Variants in PSD3 observed in about 807,000 individuals in gnomAD.
PSD3 encodes the protein pleckstrin and Sec7 domain containing 3, also known as PH and SEC7 domain-containing protein 3.
Under a neutral mutation model 105.5 loss-of-function variants are expected in PSD3, and 49 were observed. The observed-to-expected ratio is 0.46, with a 90% CI of 0.37 to 0.59. The LOEUF is 0.59. PSD3 is among the 20% of genes least tolerant of loss of function. The pLI, the probability that PSD3 is intolerant of heterozygous loss-of-function variation, is 0.00. For missense variants in PSD3, 1,561 were observed against 1,263.8 expected (o/e 1.24, Z -3.57); for synonymous variants, 557 against 457.8 (o/e 1.22, Z -2.77).
At chr8:18,801,841 A>C (rs1479451084) in intron 6 of PSD3, among the ~76,000 whole-genome samples, 3 of 152,128 alleles carry the variant, frequency 2.0e-5, no homozygotes, top group African/African-American at 4.8e-5. Flanking sequence ...AGAAAAAAAA[A>C]ATGTCCACTT....
intron 1 of PSD3, among the ~76,000 whole-genome samples, chr8:18,966,336 G>A (rs192735514): frequency 9.7e-4 from 147 of 152,172 alleles, no homozygotes; most frequent in African/African-American, 3.0e-3. Context: ...TTGGGAGGCC[G>A]AGGCAGGTGA....
chr8:18,666,893 G>T (rs540910527), intron 9 of PSD3, among the ~76,000 whole-genome samples: 3 of 152,276 alleles, frequency 2.0e-5, no homozygotes, highest in African/African-American at 7.2e-5. Context: ...TCCAGAATTG[G>T]TGGGTTCTTG....
At chr8:18,805,617 T>C (rs187132677) in intron 4 of PSD3, among the ~76,000 whole-genome samples, 104 of 152,358 alleles carry the variant, frequency 6.8e-4, no homozygotes, top group African/African-American at 2.4e-3. Flanking sequence ...TATTAAAATC[T>C]ATCTTATACT....
chr8:18,592,205 T>C (rs559999696), intron 12 of PSD3, among the ~76,000 whole-genome samples: 3 of 151,970 alleles, frequency 2.0e-5, no homozygotes, highest in South Asian at 2.1e-4. Flanking sequence ...GGGAACTAAA[T>C]AGATATTTTC....
chr8:18,715,048 C>A (rs534016497), intron 9 of PSD3, among the ~76,000 whole-genome samples: 2 of 152,302 alleles, frequency 1.3e-5, no homozygotes, highest in East Asian at 3.9e-4. Flanking sequence ...CCAAACACTG[C>A]ATGTTCTCAC....
At chr8:18,666,812 C>T (rs1333279416) in intron 9 of PSD3, among the ~76,000 whole-genome samples, 1 of 151,970 alleles carries the variant, frequency 6.6e-6, no homozygotes, top group Non-Finnish European at 1.5e-5. Flanking sequence ...ATGTAAACTA[C>T]TGTGGGTGAG....
At chr8:18,808,742 A>C (rs918512900) in intron 4 of PSD3, 4 of 1,613,958 alleles carry the variant, frequency 2.5e-6, no homozygotes, top group Non-Finnish European at 3.4e-6. Context: ...ATATGATGGC[A>C]ATATAAACTT....
chr8:18,574,643 C>T (rs1802362129), intron 13 of PSD3, among the ~76,000 whole-genome samples: 1 of 152,122 alleles, frequency 6.6e-6, no homozygotes, highest in Admixed American at 6.6e-5. Context: ...ATTTATTGAA[C>T]AGTTCCTATG....
intron 10 of PSD3, among the ~76,000 whole-genome samples, chr8:18,654,465 C>T (rs1808743326): frequency 1.3e-5 from 2 of 152,096 alleles, no homozygotes; most frequent in Admixed American, 6.5e-5. Flanking sequence ...TTACAAAGAA[C>T]ACATTTTGAC....
intron 14 of PSD3, among the ~76,000 whole-genome samples, chr8:18,571,717 C>T (rs1419503018): frequency 1.3e-5 from 2 of 152,222 alleles, no homozygotes; most frequent in Non-Finnish European, 2.9e-5. Context: ...TGGGACACAT[C>T]TTATGATATC....
At chr8:18,826,470 T>C (rs1372168617) in intron 4 of PSD3, among the ~76,000 whole-genome samples, 2 of 152,228 alleles carry the variant, frequency 1.3e-5, no homozygotes, top group African/African-American at 2.4e-5. Context: ...ATATGGCTCA[T>C]CAAACAGCAC....
At chr8:18,678,727 G>A (rs1009283218) in intron 9 of PSD3, among the ~76,000 whole-genome samples, 14 of 152,140 alleles carry the variant, frequency 9.2e-5, no homozygotes, top group African/African-American at 2.6e-4. Flanking sequence ...CAGGGGAATC[G>A]CTCGAATCTG....
intron 9 of PSD3, among the ~76,000 whole-genome samples, chr8:18,704,776 A>G (rs1008651034): frequency 9.9e-5 from 15 of 152,220 alleles, no homozygotes; most frequent in African/African-American, 3.6e-4. Flanking sequence ...CTTATGATTA[A>G]AAACTGAAAG....
At chr8:18,748,703 G>A (rs932285448) in intron 9 of PSD3, among the ~76,000 whole-genome samples, 7 of 149,812 alleles carry the variant, frequency 4.7e-5, no homozygotes, top group East Asian at 2.0e-4. Context: ...ATGTGGAATT[G>A]TTATAGAAAA....
intron 15 of PSD3, among the ~76,000 whole-genome samples, chr8:18,539,750 G>C (rs1585198815): frequency 6.6e-6 from 1 of 151,894 alleles, no homozygotes; most frequent in Admixed American, 6.6e-5. Context: ...ATTTCACCAT[G>C]TTGGCCAGGA....
At chr8:19,060,826 G>A (rs1828872730) in intron 1 of PSD3, among the ~76,000 whole-genome samples, 3 of 152,222 alleles carry the variant, frequency 2.0e-5, no homozygotes, top group Admixed American at 2.0e-4. Flanking sequence ...GATGAGACAT[G>A]GAAGCAACCA....
At chr8:18,680,824 A>G (rs1487850040) in intron 9 of PSD3, among the ~76,000 whole-genome samples, 2 of 152,214 alleles carry the variant, frequency 1.3e-5, no homozygotes, top group African/African-American at 4.8e-5. Flanking sequence ...GGAAAATTCA[A>G]TTTTCTTAAT....
chr8:18,931,644 T>C (rs1384997686), intron 2 of PSD3, among the ~76,000 whole-genome samples: 1 of 152,132 alleles, frequency 6.6e-6, no homozygotes, highest in African/African-American at 2.4e-5. Context: ...GCCACCCGAC[T>C]CTTTTCTTTT....
chr8:19,019,881 G>A (rs1827307622), intron 1 of PSD3, among the ~76,000 whole-genome samples: 1 of 152,090 alleles, frequency 6.6e-6, no homozygotes, highest in Non-Finnish European at 1.5e-5. Flanking sequence ...GTCCTTAGGG[G>A]TCGGAAGAGA....
Sources: allele counts gnomAD v4.1 joint callset (sites outside exome capture counted in the v4.1 genomes callset), GRCh38; gene constraint gnomAD v4.1.1; transcripts MANE v1.5; gene names NCBI Gene and HGNC (gene_info 2026-07-23, HGNC 2026-07-21).